METTL8: variants seen among roughly 807,000 people sequenced by gnomAD.
METTL8 encodes tRNA N(3)-cytidine methyltransferase METTL8, mitochondrial.
In METTL8, 32 loss-of-function variants were observed where a neutral mutation model predicts 48.7. The observed-to-expected ratio is 0.66, with a 90% confidence interval of 0.50 to 0.88. The LOEUF is 0.88. METTL8 is among the 40% of genes least tolerant of loss of function. The probability of loss-of-function intolerance (pLI) is 0.00; values close to 1 mark genes in which losing one functional copy is unlikely to be tolerated. For synonymous variants in METTL8, 136 were observed against 157.1 expected (o/e 0.87, Z 1.01); for missense variants, 464 against 474.4 (o/e 0.98, Z 0.20).
chr2:171,413,757 T>C (rs566570373), intron 1 of METTL8, among the ~76,000 whole-genome samples: 1 of 152,286 alleles, frequency 6.6e-6, no homozygotes, highest in African/African-American at 2.4e-5. Context: ...TTCTGGGTGA[T>C]ATGGATAGCG....
chr2:171,382,038 T>C (rs1687603942), intron 2 of METTL8, among the ~76,000 whole-genome samples: 1 of 152,132 alleles, frequency 6.6e-6, no homozygotes, highest in African/African-American at 2.4e-5. Flanking sequence ...CACCTTGGCC[T>C]CCCAAAGTGC....
chr2:171,356,466 AG>A (rs1684552721), intron 3 of METTL8, among the ~76,000 whole-genome samples: 1 of 152,130 alleles, frequency 6.6e-6, no homozygotes, highest in Non-Finnish European at 1.5e-5. Context: ...AATGTTCAGT[AG>A]ATTATTGTGA....
At chr2:171,412,629 A>G in intron 1 of METTL8, among the ~76,000 whole-genome samples, 2 of 152,144 alleles carry the variant, frequency 1.3e-5, no homozygotes, top group East Asian at 3.8e-4. Flanking sequence ...GTGCACAGGC[A>G]ATGTGGATAA....
intron 2 of METTL8, among the ~76,000 whole-genome samples, chr2:171,387,751 A>G (rs1013351498): frequency 6.6e-6 from 1 of 152,176 alleles, no homozygotes; most frequent in Non-Finnish European, 1.5e-5. Flanking sequence ...AGTGCTGAAT[A>G]ACCACCTGTG....
intron 1 of METTL8, among the ~76,000 whole-genome samples, chr2:171,408,288 G>GTTT (rs1216637352): frequency 7.3e-6 from 1 of 136,408 alleles, no homozygotes. Flanking sequence ...GAATTCTACA[G>GTTT]TTTTTTTGTT....
intron 1 of METTL8, among the ~76,000 whole-genome samples, chr2:171,395,323 G>C (rs1055316692): frequency 2.0e-5 from 3 of 151,970 alleles, no homozygotes; most frequent in African/African-American, 7.3e-5. Context: ...AGGACAAATA[G>C]AAAACAAATA....
rs1213580732 is a variant in METTL8, at chr2:171,325,933, T to C, written c.968-27A>G. On this transcript the variant is annotated intron_variant, in intron 8 of 9. Coordinates refer to ENST00000375258, the MANE Select transcript of METTL8 (RefSeq NM_001321154.2). ...TGAAAAAAATTGTGAAAAGAGAAAC[T>C]CTTAAGGGTATTCCTTTAAAAAAAA... is the stretch of plus-strand genomic sequence containing the variant. The C allele has an allele frequency of 3.3e-6, 5 of 1,499,170 alleles. No individual in the cohort carries two copies. The South Asian group carries it at 4.8e-5, about 14-fold the overall frequency. 92.9% of individuals were successfully genotyped at this position (1,499,170 alleles called of 1,614,324 possible).
chr2:171,370,027 T>C lies in METTL8; in HGVS notation c.144-9514A>G, dbSNP rs555757379. Among the ~76,000 whole-genome samples the C allele has an allele frequency of 1.3e-4, 19 of 150,864 alleles. No homozygotes were observed. In the East Asian group the frequency reaches 3.7e-3, roughly 30 times the overall value. On this transcript the variant is annotated intron_variant, in intron 2 of 9. Transcript: ENST00000375258. ...GTTGCAATGAGCCGAGATCATGCCA[T>C]TGCACTCCAGCCTGGGCAACACAGA...
intron 3 of METTL8, among the ~76,000 whole-genome samples, chr2:171,349,776 T>G (rs1683684347): frequency 1.3e-5 from 2 of 152,184 alleles, no homozygotes; most frequent in East Asian, 3.8e-4. Flanking sequence ...TTTACAATCT[T>G]ACCAACAATA....
At position 171,350,271 on chromosome 2, in the gene METTL8, G is replaced by A. The variant is rs972735429; in HGVS notation, c.235+10151C>T. The stretch of plus-strand genomic sequence containing the variant: ...AATGATGGTTTCCAGCTTCATCCAC[G>A]TCCCTACAAAGGACATGAACTCATC... On this transcript the variant is annotated intron_variant, in intron 3 of 9. Coordinates refer to ENST00000375258, the MANE Select transcript of METTL8 (RefSeq NM_001321154.2). Among the ~76,000 whole-genome samples, 43 of 152,116 alleles carry A rather than the reference G, an allele frequency of 2.8e-4. 1 individual carries two copies. The highest frequency in any genetic ancestry group is 1.1e-3 in the Admixed American group (17 of 15,276).
At chr2:171,403,211 C>T (rs1173953251) in intron 1 of METTL8, among the ~76,000 whole-genome samples, 1 of 152,122 alleles carries the variant, frequency 6.6e-6, no homozygotes, top group African/African-American at 2.4e-5. Context: ...AGCGGAGTAA[C>T]TTCACAAAGA....
At chr2:171,367,386 TA>T (rs1685836624) in intron 2 of METTL8, among the ~76,000 whole-genome samples, 1 of 151,946 alleles carries the variant, frequency 6.6e-6, no homozygotes, top group Non-Finnish European at 1.5e-5. Flanking sequence ...TATGTCAGCA[TA>T]GGGGGATGGG....
At chr2:171,339,622 G>C (rs1686496067) in intron 3 of METTL8, 68 bp from the exon 4 acceptor site, 6 of 819,652 alleles carry the variant, frequency 7.3e-6, no homozygotes, top group Non-Finnish European at 5.5e-6. Context: ...CTACTGTCTT[G>C]ATAATTGTTA....
At chr2:171,417,933 G>T (rs1691475584) in intron 1 of METTL8, among the ~76,000 whole-genome samples, 1 of 151,828 alleles carries the variant, frequency 6.6e-6, no homozygotes, top group Admixed American at 6.6e-5. Context: ...CTTATTACAT[G>T]AGATCATGTC....
intron 7 of METTL8, among the ~76,000 whole-genome samples, chr2:171,328,390 G>T (rs1480056481): frequency 6.6e-6 from 1 of 152,174 alleles, no homozygotes; most frequent in East Asian, 1.9e-4. Flanking sequence ...TAGCCAAATT[G>T]CTTGCCATTT....
chr2:171,368,312 C>T (rs970317847), intron 2 of METTL8, among the ~76,000 whole-genome samples: 1 of 152,108 alleles, frequency 6.6e-6, no homozygotes, highest in African/African-American at 2.4e-5. Flanking sequence ...GAACTAGCTG[C>T]TTTTTTCATG....
chr2:171,372,450 T>C (rs1350722302), intron 2 of METTL8, among the ~76,000 whole-genome samples: 1 of 152,096 alleles, frequency 6.6e-6, no homozygotes, highest in Non-Finnish European at 1.5e-5. Context: ...AAGGTGTATA[T>C]ACATGTAACA....
intron 2 of METTL8, among the ~76,000 whole-genome samples, chr2:171,391,825 C>T (rs553364875): frequency 3.4e-4 from 52 of 152,246 alleles, no homozygotes; most frequent in Middle Eastern, 6.8e-3. Flanking sequence ...TCCAAGGCTA[C>T]TAAAAGCATA....
At chr2:171,379,225 A>T (rs1687272233) in intron 2 of METTL8, among the ~76,000 whole-genome samples, 3 of 152,224 alleles carry the variant, frequency 2.0e-5, no homozygotes, top group Admixed American at 2.0e-4. Flanking sequence ...ACAAAGAGAC[A>T]ATGTACCAGA....
Sources: gnomAD v4.1 joint callset for allele counts (sites outside exome capture counted in the v4.1 genomes callset) on GRCh38, gnomAD v4.1.1 for gene constraint, MANE v1.5 for transcripts, NCBI Gene and HGNC (gene_info 2026-07-23, HGNC 2026-07-21) for gene names.